The following CYP2C8 variants were observed in gnomAD, a reference collection of about 807,000 sequenced individuals.
CYP2C8 encodes the protein cytochrome P450 family 2 subfamily C member 8, also known as cytochrome P450 2C8.
A neutral mutation model predicts 41.3 loss-of-function variants in CYP2C8; 51 were observed. The observed-to-expected ratio is 1.24, with a 90% CI of 0.99 to 1.56. CYP2C8 has a LOEUF of 1.56. CYP2C8 is among the 40% of genes most tolerant of loss of function. The pLI, the probability that CYP2C8 is intolerant of heterozygous loss-of-function variation, is 0.00. For synonymous variants in CYP2C8, 218 were observed against 205.8 expected, an observed-to-expected ratio of 1.06 and a Z score of -0.51; for missense variants, 651 against 579.9, an observed-to-expected ratio of 1.12 and a Z score of -1.26.
At chr10:95,047,922 C>T (rs11572148) in intron 5 of CYP2C8, among the ~76,000 whole-genome samples, 6,836 of 152,204 alleles carry the variant, frequency 0.045, 576 homozygotes, top group African/African-American at 0.15. Context: ...GTAATATCCT[C>T]GAGAAGTCTC....
chr10:95,041,266 CT>C (rs1273958721), intron 7 of CYP2C8, among the ~76,000 whole-genome samples: 2 of 152,206 alleles, frequency 1.3e-5, no homozygotes, highest in African/African-American at 4.8e-5. Context: ...TACTAAAATA[CT>C]TAAAACAGCA....
chr10:95,056,847 A>G (rs1016042009), intron 5 of CYP2C8, among the ~76,000 whole-genome samples: 3 of 152,252 alleles, frequency 2.0e-5, no homozygotes, highest in South Asian at 2.1e-4. Flanking sequence ...GCGAGTCCCA[A>G]TGTGGAGCTT....
At chr10:95,059,820 A>G (rs938487536) in intron 4 of CYP2C8, among the ~76,000 whole-genome samples, 24 of 152,194 alleles carry the variant, frequency 1.6e-4, no homozygotes, top group African/African-American at 5.8e-4. Flanking sequence ...TAATTTTTGT[A>G]TAAGGTGTAA....
intron 5 of CYP2C8, among the ~76,000 whole-genome samples, chr10:95,050,353 T>C (rs190550181): frequency 1.3e-5 from 2 of 152,274 alleles, no homozygotes; most frequent in East Asian, 3.9e-4. Context: ...TTTGCTTCAC[T>C]GAAGGGAAGG....
intron 7 of CYP2C8, chr10:95,039,245 G>T (rs1240315387): frequency 1.6e-5 from 9 of 564,210 alleles, no homozygotes; most frequent in Non-Finnish European, 2.9e-5. Context: ...TTACATCTTG[G>T]ATACTTGTGT....
In CYP2C8 at chr10:95,036,907, T is replaced by C; in HGVS notation, c.*221A>G. On this transcript the variant is annotated 3_prime_UTR_variant, in exon 9 of 9. Transcript: ENST00000371270. Reference sequence around the variant, plus strand: ...AGTCAGCATTAGAAAAGTATTAGCATATGCAGCAATTAATACAAGTGTTAC... The same window carrying C: ...AGTCAGCATTAGAAAAGTATTAGCACATGCAGCAATTAATACAAGTGTTAC... 1 of 584,926 alleles carries C rather than the reference T, an allele frequency of 1.7e-6. No individual in the cohort carries two copies. Among genetic ancestry groups the C allele is most frequent in the South Asian group, 2.0e-5 (1 of 50,816 alleles). 36.2% of individuals were successfully genotyped at this position (584,926 alleles called of 1,614,324 possible).
At chr10:95,053,244 A>T (rs2033245510) in intron 5 of CYP2C8, among the ~76,000 whole-genome samples, 1 of 152,206 alleles carries the variant, frequency 6.6e-6, no homozygotes, top group Admixed American at 6.5e-5. Flanking sequence ...TAGAATGGTG[A>T]TCATTAAAAA....
Position 95,067,209 on chromosome 10 carries a change from C to G in CYP2C8, c.480G>C (p.Lys160Asn), listed in dbSNP as rs11572081. ...ATGACGCAGAGTAGAGTCACCCACCCTTGGTTTTTCTCAACTCCTCCACAA... is the reference window on the plus strand; with the variant it reads ...ATGACGCAGAGTAGAGTCACCCACCGTTGGTTTTTCTCAACTCCTCCACAA... ...HCLVEELRKTKASPCDPTFIL... is the reference protein window; with the variant it reads ...HCLVEELRKTNASPCDPTFIL... The change falls in exon 3 of 9, where the codon AAG becomes AAC. Residue 160 changes from lysine (K) to asparagine (N), a missense_variant and splice_region_variant. Lys to Asn is a moderately conservative substitution (Grantham distance 94). Coordinates refer to ENST00000371270, the MANE Select transcript of CYP2C8 (RefSeq NM_000770.3). 6.2e-7 allele frequency: 1 copy of G among 1,613,982 alleles called. No individual in the cohort carries two copies. Among genetic ancestry groups the G allele is most frequent in the African/African-American group, 1.3e-5 (1 of 74,966 alleles).
intron 5 of CYP2C8, among the ~76,000 whole-genome samples, chr10:95,053,212 T>G (rs1271835570): frequency 6.6e-6 from 1 of 152,122 alleles, no homozygotes; most frequent in Admixed American, 6.6e-5. Flanking sequence ...AAATTAACAA[T>G]GAGATACCAT....
At chr10:95,038,800 A>G (rs2032937544) in intron 8 of CYP2C8, 97 bp downstream of exon 8, 1 of 1,179,836 alleles carries the variant, frequency 8.5e-7, no homozygotes, top group Non-Finnish European at 1.3e-6. Context: ...ACAAATAGCA[A>G]TTCTACCAGC....
intron 5 of CYP2C8, among the ~76,000 whole-genome samples, chr10:95,056,933 G>C (rs972370972): frequency 1.3e-5 from 2 of 152,170 alleles, no homozygotes; most frequent in Admixed American, 6.6e-5. Flanking sequence ...CAGCTTTGTT[G>C]AACAGGCAGT....
intron 5 of CYP2C8, among the ~76,000 whole-genome samples, chr10:95,048,307 G>A (rs946976273): frequency 5.3e-5 from 8 of 152,152 alleles, no homozygotes; most frequent in African/African-American, 1.9e-4. Context: ...CTCAGGCTGT[G>A]GAAAGGTTTG....
intron 5 of CYP2C8, among the ~76,000 whole-genome samples, chr10:95,055,056 A>G (rs922443098): frequency 2.0e-5 from 3 of 152,154 alleles, no homozygotes; most frequent in African/African-American, 7.2e-5. Context: ...AATGCTTCCA[A>G]AAGTAATCTA....
At chr10:95,042,237 T>C (rs1409842380) in intron 7 of CYP2C8, among the ~76,000 whole-genome samples, 2 of 152,110 alleles carry the variant, frequency 1.3e-5, no homozygotes, top group African/African-American at 4.8e-5. Context: ...GAAAATAAGA[T>C]ATAAAATACA....
intron 7 of CYP2C8, among the ~76,000 whole-genome samples, chr10:95,042,525 A>G (rs1264676497): frequency 6.6e-6 from 1 of 152,230 alleles, no homozygotes; most frequent in Non-Finnish European, 1.5e-5. Context: ...ATAAAGCTCA[A>G]TAAGTTGGGA....
intron 5 of CYP2C8, among the ~76,000 whole-genome samples, chr10:95,057,221 C>T (rs2033331771): frequency 2.6e-5 from 4 of 152,028 alleles, no homozygotes; most frequent in Admixed American, 2.6e-4. Flanking sequence ...TTTTAGCTAG[C>T]CATCAATCTG....
In CYP2C8 at chr10:95,045,950, T is replaced by A. The variant is rs140599093; in HGVS notation, c.821A>T (p.Glu274Val). The A allele has an allele frequency of 1.9e-6, 3 of 1,613,884 alleles. No homozygotes were observed. The Admixed American group carries it at 5.0e-5, about 27-fold the overall frequency. Residue 274 changes from glutamate to valine, a missense_variant and splice_region_variant, in exon 6 of 9, where the codon GAA (glutamate) becomes GTA (valine). By Grantham distance (121) the Glu-to-Val change is moderately radical. Transcript: ENST00000371270. ...IDCFLIKMEQ[E>V]KDNQKSEFNI... ...GAATTCTGACTTTTGGTTGTCCTTTTCCTAGAAGTGATTTCATGCAATTAT... is the reference window on the plus strand; with the variant it reads ...GAATTCTGACTTTTGGTTGTCCTTTACCTAGAAGTGATTTCATGCAATTAT...
At chr10:95,043,109 C>T (rs1464879381) in intron 6 of CYP2C8, 32 bp from the exon 7 acceptor site, 8 of 1,602,702 alleles carry the variant, frequency 5.0e-6, no homozygotes, top group Admixed American at 3.3e-5. Context: ...CTGATGGAAA[C>T]GAAGATATAT....
chr10:95,064,146 T>G (rs186707587), intron 4 of CYP2C8, among the ~76,000 whole-genome samples: 5 of 152,162 alleles, frequency 3.3e-5, no homozygotes, highest in Non-Finnish European at 7.4e-5. Context: ...ACCACTACTC[T>G]CTTTAAAGCT....
Sources: allele counts gnomAD v4.1 joint callset (sites outside exome capture counted in the v4.1 genomes callset), GRCh38; gene constraint gnomAD v4.1.1; transcripts MANE v1.5; gene names NCBI Gene and HGNC (gene_info 2026-07-23, HGNC 2026-07-21).